Variants in BLTP1 observed in about 807,000 individuals in gnomAD.
BLTP1 encodes the protein fragile site-associated protein.
chr4:122,214,025 A>T, the BLTP1 span: 3 of 172,174 alleles, frequency 1.7e-5, no homozygotes, highest in Non-Finnish European at 3.5e-5. Context: ...ATTAAAAATA[A>T]TTTTAATAAT....
At chr4:122,169,091 G>T in the BLTP1 span, among the ~76,000 whole-genome samples, 1 of 152,106 alleles carries the variant, frequency 6.6e-6, no homozygotes, top group Admixed American at 6.5e-5. Flanking sequence ...AGGACTACAG[G>T]TGCACACCAC....
At chr4:122,323,934 C>T in the BLTP1 span, among the ~76,000 whole-genome samples, 1 of 151,952 alleles carries the variant, frequency 6.6e-6, no homozygotes, top group Non-Finnish European at 1.5e-5. Flanking sequence ...CTATCTAGCA[C>T]CATCACGAGT....
chr4:122,292,983 A>G, the BLTP1 span: 30 of 717,494 alleles, frequency 4.2e-5, no homozygotes, highest in African/African-American at 5.2e-4. Context: ...GATGTTTTTT[A>G]CTTAGTCTAG....
chr4:122,244,916 G>A, the BLTP1 span: 1 of 1,347,610 alleles, frequency 7.4e-7, no homozygotes, highest in African/African-American at 1.5e-5. Context: ...TTGAGCAATT[G>A]TTGTACATAT....
At chr4:122,276,312 C>A in the BLTP1 span, 1 of 440,000 alleles carries the variant, frequency 2.3e-6, no homozygotes, top group Non-Finnish European at 3.1e-6. Context: ...TTTCTATGAT[C>A]AAAGTACTTA....
At chr4:122,262,813 C>G in the BLTP1 span, 1 of 1,613,516 alleles carries the variant, frequency 6.2e-7, no homozygotes, top group South Asian at 1.1e-5. Flanking sequence ...GACACTGCCA[C>G]TGATTCTCCA....
the BLTP1 span, among the ~76,000 whole-genome samples, chr4:122,179,679 C>T: frequency 6.6e-6 from 1 of 152,104 alleles, no homozygotes; most frequent in Admixed American, 6.6e-5. Context: ...AGGACACATA[C>T]AGAGAGGCAT....
the BLTP1 span, chr4:122,356,943 G>A: frequency 3.0e-6 from 3 of 984,056 alleles, no homozygotes; most frequent in African/African-American, 5.2e-5. Flanking sequence ...AGCACCAATG[G>A]TGTTTTATAC....
At chr4:122,197,339 GTTAA>G in the BLTP1 span, 1 of 1,200,134 alleles carries the variant, frequency 8.3e-7, no homozygotes, top group Non-Finnish European at 1.1e-6. Context: ...AATAAAGTTT[GTTAA>G]TCATCTTAGA....
the BLTP1 span, chr4:122,343,898 G>A: frequency 1.1e-6 from 1 of 879,126 alleles, no homozygotes; most frequent in African/African-American, 1.8e-5. Flanking sequence ...ATATTTAAAT[G>A]TCTTAGCAAA....
the BLTP1 span, among the ~76,000 whole-genome samples, chr4:122,214,808 C>T: frequency 3.4e-4 from 51 of 151,708 alleles, no homozygotes; most frequent in East Asian, 7.0e-3. Context: ...GACAGGGTTT[C>T]GCCATGTTGC....
the BLTP1 span, among the ~76,000 whole-genome samples, chr4:122,300,717 G>T: frequency 6.6e-6 from 1 of 152,096 alleles, no homozygotes; most frequent in Non-Finnish European, 1.5e-5. Context: ...AATAGGGGAA[G>T]AAAACATTCC....
the BLTP1 span, among the ~76,000 whole-genome samples, chr4:122,190,743 T>G: frequency 6.6e-6 from 1 of 152,222 alleles, no homozygotes; most frequent in East Asian, 1.9e-4. Flanking sequence ...AGACTTAAAG[T>G]TTGAGGATTG....
chr4:122,341,918 C>CA, the BLTP1 span: 1 of 623,096 alleles, frequency 1.6e-6, no homozygotes, highest in South Asian at 7.1e-5. Flanking sequence ...GGAGAGAATA[C>CA]AAAATGCACG....
chr4:122,271,042 A>C, the BLTP1 span: 1 of 1,608,330 alleles, frequency 6.2e-7, no homozygotes, highest in East Asian at 2.2e-5. Context: ...ATCTTCCTCC[A>C]CTTGAGTTCA....
chr4:122,214,161 T>C, the BLTP1 span: 1 of 820,696 alleles, frequency 1.2e-6, no homozygotes, highest in African/African-American at 1.9e-5. Flanking sequence ...CCTATTGTTA[T>C]TTTTTTTTTC....
the BLTP1 span, chr4:122,325,218 A>G: frequency 6.3e-7 from 1 of 1,589,590 alleles, no homozygotes; most frequent in South Asian, 1.1e-5. Context: ...ATAACTTTAT[A>G]TTTACTTGCA....
At chr4:122,360,351 T>G in the BLTP1 span, among the ~76,000 whole-genome samples, 2 of 152,224 alleles carry the variant, frequency 1.3e-5, no homozygotes, top group African/African-American at 4.8e-5. Flanking sequence ...TTATGATAGT[T>G]TCTATAACTA....
the BLTP1 span, among the ~76,000 whole-genome samples, chr4:122,284,374 C>T: frequency 6.6e-6 from 1 of 152,096 alleles, no homozygotes; most frequent in Non-Finnish European, 1.5e-5. Flanking sequence ...CTGATGTCTG[C>T]TCTAGGTTTC....
Sources: allele counts gnomAD v4.1 joint callset (sites outside exome capture counted in the v4.1 genomes callset), GRCh38; gene constraint gnomAD v4.1.1; transcripts MANE v1.5; gene names NCBI Gene and HGNC (gene_info 2026-07-23, HGNC 2026-07-21).